AK5: variants seen among roughly 807,000 people sequenced by gnomAD.
The protein encoded by AK5 is adenylate kinase isoenzyme 5.
In AK5, 27 loss-of-function variants were observed where a neutral mutation model predicts 69.5. The observed-to-expected ratio is 0.39, with a 90% CI of 0.29 to 0.54. AK5 has a LOEUF of 0.54. Among genes scored for constraint, AK5 ranks in the 20% least tolerant of loss-of-function variants. The pLI, the probability that AK5 is intolerant of heterozygous loss-of-function variation, is 0.71. For missense variants in AK5, 531 were observed against 700.4 expected, an observed-to-expected ratio of 0.76 and a Z score of 2.73; for synonymous variants, 260 against 244.4, an observed-to-expected ratio of 1.06 and a Z score of -0.60.
intron 8 of AK5, among the ~76,000 whole-genome samples, chr1:77,456,458 C>T (rs1284256353): frequency 6.6e-6 from 1 of 152,228 alleles, no homozygotes; most frequent in African/African-American, 2.4e-5. Flanking sequence ...AGAAGAGAGC[C>T]ATCTTGACCT....
intron 6 of AK5, among the ~76,000 whole-genome samples, chr1:77,380,336 A>T (rs1303290401): frequency 6.6e-6 from 1 of 152,128 alleles, no homozygotes; most frequent in Non-Finnish European, 1.5e-5. Flanking sequence ...TCCTCTCAAA[A>T]TACCCTCATT....
intron 13 of AK5, among the ~76,000 whole-genome samples, chr1:77,552,690 T>G (rs1292713032): frequency 6.6e-6 from 1 of 152,194 alleles, no homozygotes; most frequent in Non-Finnish European, 1.5e-5. Context: ...ACACTGGCAT[T>G]ATGTTGAATG....
intron 3 of AK5, among the ~76,000 whole-genome samples, chr1:77,294,913 C>G (rs868627556): frequency 2.8e-4 from 42 of 151,704 alleles, no homozygotes; most frequent in Admixed American, 1.1e-3. Flanking sequence ...CCTGTTGTCC[C>G]AACTATTTGG....
chr1:77,477,822 T>A (rs1655038818), intron 8 of AK5, among the ~76,000 whole-genome samples: 1 of 152,146 alleles, frequency 6.6e-6, no homozygotes, highest in South Asian at 2.1e-4. Flanking sequence ...AAGTTACACA[T>A]TTTGCTACCA....
chr1:77,291,384 T>C (rs1658675979), intron 2 of AK5, among the ~76,000 whole-genome samples: 1 of 152,162 alleles, frequency 6.6e-6, no homozygotes, highest in Admixed American at 6.5e-5. Flanking sequence ...TTTAACAGCC[T>C]AGCTGCTACT....
chr1:77,505,307 A>G (rs1288936247), intron 10 of AK5, among the ~76,000 whole-genome samples: 1 of 152,218 alleles, frequency 6.6e-6, no homozygotes, highest in African/African-American at 2.4e-5. Context: ...ACAGTAAGAT[A>G]CTTATTTTCC....
intron 13 of AK5, among the ~76,000 whole-genome samples, chr1:77,551,714 G>A (rs749593329): frequency 1.4e-4 from 22 of 152,100 alleles, no homozygotes; most frequent in Non-Finnish European, 3.1e-4. Flanking sequence ...TTTTTAGAAG[G>A]CAGAATCCCT....
chr1:77,532,103 C>G (rs1455924511), intron 12 of AK5: 2 of 153,916 alleles, frequency 1.3e-5, no homozygotes, highest in African/African-American at 4.8e-5. Flanking sequence ...GCCTGCGCCT[C>G]TCCCTCCACA....
At chr1:77,379,139 C>G (rs141163094) in intron 6 of AK5, among the ~76,000 whole-genome samples, 1 of 152,152 alleles carries the variant, frequency 6.6e-6, no homozygotes, top group East Asian at 1.9e-4. Context: ...GAGGAACCAG[C>G]GGTTGAACAG....
intron 8 of AK5, among the ~76,000 whole-genome samples, chr1:77,469,678 C>G (rs1345249604): frequency 6.6e-6 from 1 of 152,252 alleles, no homozygotes; most frequent in Non-Finnish European, 1.5e-5. Flanking sequence ...ACGGCCTCAG[C>G]TGGGATGACC....
intron 9 of AK5, 130 bp downstream of exon 9, chr1:77,483,489 T>G: frequency 2.6e-6 from 2 of 767,116 alleles, no homozygotes; most frequent in Non-Finnish European, 4.5e-6. Flanking sequence ...GGAGCATGAT[T>G]AAGAGTAGAA....
At chr1:77,314,282 T>C (rs41292264) in intron 5 of AK5, 11,281 of 163,790 alleles carry the variant, frequency 0.069, 498 homozygotes, top group Non-Finnish European at 0.087. Context: ...GGCTTCAGTC[T>C]TAACTACCAC....
chr1:77,458,294 T>G (rs1262732371), intron 8 of AK5, among the ~76,000 whole-genome samples: 4 of 152,066 alleles, frequency 2.6e-5, no homozygotes, highest in African/African-American at 7.2e-5. Flanking sequence ...GTCCCCTCTC[T>G]TCCTTGCTTT....
chr1:77,369,043 A>C (rs1270202056), intron 6 of AK5, among the ~76,000 whole-genome samples: 1 of 152,144 alleles, frequency 6.6e-6, no homozygotes, highest in Non-Finnish European at 1.5e-5. Flanking sequence ...ATTCACCATA[A>C]ATTATATGTA....
chr1:77,369,518 C>T (rs1570456428), intron 6 of AK5, among the ~76,000 whole-genome samples: 1 of 152,118 alleles, frequency 6.6e-6, no homozygotes, highest in South Asian at 2.1e-4. Flanking sequence ...CATAGTAATA[C>T]AGTCCTCTGT....
At chr1:77,531,773 G>A (rs1319662355) in intron 12 of AK5, among the ~76,000 whole-genome samples, 1 of 152,004 alleles carries the variant, frequency 6.6e-6, no homozygotes. Context: ...GCACTCCTCA[G>A]GGTGGATGGG....
intron 6 of AK5, among the ~76,000 whole-genome samples, chr1:77,372,069 G>A (rs1427653190): frequency 6.6e-6 from 1 of 152,110 alleles, no homozygotes; most frequent in Non-Finnish European, 1.5e-5. Context: ...AACATGTGCT[G>A]TTAGCATGTC....
chr1:77,405,185 G>A (rs535289180), intron 6 of AK5, among the ~76,000 whole-genome samples: 16 of 152,344 alleles, frequency 1.1e-4, no homozygotes, highest in Middle Eastern at 3.4e-3. Context: ...TTTATGCTGG[G>A]ATATTAAATA....
At chr1:77,557,829 T>C (rs1660199595) in intron 13 of AK5, among the ~76,000 whole-genome samples, 3 of 152,190 alleles carry the variant, frequency 2.0e-5, no homozygotes, top group Non-Finnish European at 4.4e-5. Flanking sequence ...CACTGCAGAA[T>C]TGGGCATAGA....
Sources: gnomAD v4.1 joint callset for allele counts (sites outside exome capture counted in the v4.1 genomes callset) on GRCh38, gnomAD v4.1.1 for gene constraint, MANE v1.5 for transcripts, NCBI Gene and HGNC (gene_info 2026-07-23, HGNC 2026-07-21) for gene names.